The following FHOD3 variants were observed in gnomAD, a reference collection of about 807,000 sequenced individuals.
The protein encoded by FHOD3 is FH1/FH2 domain-containing protein 3.
FHOD3 carries 90 observed loss-of-function variants against 173.0 expected under a neutral mutation model. That is an observed-to-expected ratio of 0.52 (90% confidence interval 0.44 to 0.62). The LOEUF (loss-of-function observed/expected upper bound fraction) is 0.62, where lower values mean the gene tolerates loss of function less well. Ranked by LOEUF, FHOD3 falls within the 20% of genes least tolerant of loss-of-function variation. The pLI is 0.00. For missense variants in FHOD3, 1,945 were observed against 2,034.7 expected (o/e 0.96, Z 0.85); for synonymous variants, 828 against 823.0 (o/e 1.01, Z -0.10).
intron 1 of FHOD3, among the ~76,000 whole-genome samples, chr18:36,312,641 G>A (rs1327581517): frequency 6.6e-6 from 1 of 152,172 alleles, no homozygotes; most frequent in Non-Finnish European, 1.5e-5. Context: ...GCCTCTTGGA[G>A]TCTACCTGCT....
intron 28 of FHOD3, among the ~76,000 whole-genome samples, chr18:36,777,316 A>G (rs2043749699): frequency 6.8e-6 from 1 of 147,098 alleles, no homozygotes; most frequent in Non-Finnish European, 1.5e-5. Flanking sequence ...AATTCTCTGC[A>G]TCAGCTTCCC....
chr18:36,407,980 A>T (rs2049151857), intron 3 of FHOD3, among the ~76,000 whole-genome samples: 1 of 152,210 alleles, frequency 6.6e-6, no homozygotes, highest in South Asian at 2.1e-4. Context: ...TGTAAGGTAG[A>T]TAGATGATAT....
At chr18:36,577,194 C>CAT (rs2058686244) in intron 6 of FHOD3, among the ~76,000 whole-genome samples, 1 of 152,114 alleles carries the variant, frequency 6.6e-6, no homozygotes, top group Non-Finnish European at 1.5e-5. Flanking sequence ...TATGTATATG[C>CAT]ATATTCCTAT....
In FHOD3 at chr18:36,744,076, C is replaced by T; in HGVS notation, c.3924C>T (p.Val1308=). The part of the protein sequence containing the change: ...ELSYLEKVPE[V]KDTVHKQSLL... ...GCTACCTCGAGAAGGTTCCAGAAGT[C>T]AAAGACACAGTGCACAAGCAGTCGC... Residue 1308 remains valine, a synonymous_variant, in exon 23 of 29, where the codon GTC becomes GTT. Coordinates refer to ENST00000590592, the MANE Select transcript of FHOD3 (RefSeq NM_001281740.3). 1 of 1,614,204 alleles carries T rather than the reference C, an allele frequency of 6.2e-7. No individual in the cohort carries two copies. Among genetic ancestry groups the T allele is most frequent in the East Asian group, 2.2e-5 (1 of 44,884 alleles).
chr18:36,565,881 C>T lies in FHOD3; in HGVS notation c.512-10570C>T, dbSNP rs986660701. Among the ~76,000 whole-genome samples, 4 of 152,080 alleles carry T rather than the reference C, an allele frequency of 2.6e-5. No individual in the cohort carries two copies. In the South Asian group the frequency reaches 8.3e-4, roughly 31 times the overall value. On this transcript the variant is annotated intron_variant, in intron 5 of 28. Coordinates refer to ENST00000590592, the MANE Select transcript of FHOD3 (RefSeq NM_001281740.3). ...CAAGTGGACACTTGGTTTTTGAAAC[C>T]AAAGCCTTGTCTCATACATAAAAAG...
chr18:36,505,045 T>G (rs1331113174), intron 4 of FHOD3, among the ~76,000 whole-genome samples: 1 of 152,216 alleles, frequency 6.6e-6, no homozygotes, highest in Non-Finnish European at 1.5e-5. Context: ...CATGCAAGCA[T>G]GCCCACAAAG....
intron 8 of FHOD3, among the ~76,000 whole-genome samples, chr18:36,609,260 G>A (rs1297457504): frequency 2.0e-5 from 3 of 152,090 alleles, no homozygotes; most frequent in Non-Finnish European, 4.4e-5. Context: ...TGTCAGAGGT[G>A]GACAACTTAG....
At chr18:36,475,049 T>C (rs138001788) in intron 3 of FHOD3, among the ~76,000 whole-genome samples, 2 of 149,938 alleles carry the variant, frequency 1.3e-5, no homozygotes, top group African/African-American at 4.9e-5. Context: ...CAAAATTTAA[T>C]GCCTTCTACT....
rs145954630 is a variant in FHOD3, at chr18:36,769,289, G to A, written c.4649G>A (p.Gly1550Glu). 1 of 1,614,160 alleles carries A rather than the reference G, an allele frequency of 6.2e-7. No homozygotes were observed. The highest frequency in any genetic ancestry group is 8.5e-7 in the Non-Finnish European group (1 of 1,180,026). Residue 1550 changes from glycine to glutamate, a missense_variant, in exon 28 of 29, where the codon GGA becomes GAA. Physicochemically the swap from Gly to Glu is moderately conservative, Grantham distance 98. Around this residue, in one of 5 missense-constraint regions of FHOD3, gnomAD observed 354 missense variants for 359.9 expected, o/e 0.98. Transcript: ENST00000590592. Reference protein sequence around the residue: ...SRGSTSSWTMGTDDSPNVTDD... With the variant: ...SRGSTSSWTMETDDSPNVTDD... The stretch of plus-strand genomic sequence containing the variant: ...GGATCCACTAGTTCCTGGACTATGG[G>A]AACTGATGACTCGCCCAATGTCACA...
At chr18:36,489,141 C>T (rs1368306296) in intron 3 of FHOD3, among the ~76,000 whole-genome samples, 1 of 152,152 alleles carries the variant, frequency 6.6e-6, no homozygotes, top group East Asian at 1.9e-4. Flanking sequence ...CCTAAATGTT[C>T]TCCCCAGAGA....
chr18:36,364,539 C>T (rs1356722980), intron 2 of FHOD3, among the ~76,000 whole-genome samples: 1 of 152,182 alleles, frequency 6.6e-6, no homozygotes, highest in East Asian at 1.9e-4. Flanking sequence ...GTGGTCCCTG[C>T]CTTAGTTGAG....
At chr18:36,378,528 AG>A (rs1476847471) in intron 3 of FHOD3, among the ~76,000 whole-genome samples, 1 of 146,600 alleles carries the variant, frequency 6.8e-6, no homozygotes, top group Non-Finnish European at 1.5e-5. Flanking sequence ...GCTGCCTCTA[AG>A]GGGCCTTCCA....
At chr18:36,505,198 G>T (rs565830416) in intron 4 of FHOD3, among the ~76,000 whole-genome samples, 1 of 152,338 alleles carries the variant, frequency 6.6e-6, no homozygotes, top group East Asian at 1.9e-4. Flanking sequence ...TTGTTAAAAT[G>T]TCCAAAAGGA....
intron 3 of FHOD3, among the ~76,000 whole-genome samples, chr18:36,465,776 G>T (rs1340721759): frequency 6.6e-6 from 1 of 152,094 alleles, no homozygotes; most frequent in Non-Finnish European, 1.5e-5. Flanking sequence ...TGTGGGCGTG[G>T]TGGGTTCAAT....
rs114098799 is a variant in FHOD3, at chr18:36,420,865, A to G, written c.337+48121A>G. Among the ~76,000 whole-genome samples, 478 of 152,244 alleles carry G rather than the reference A, an allele frequency of 3.1e-3. 1 individual carries two copies. The highest frequency in any genetic ancestry group is 0.011 in the African/African-American group (450 of 41,534). Reference sequence around the variant, plus strand: ...AAGTAGGAAGGCTTATGATCTGAGGAGTGTAAATAGTAAATGGAGACATCT... The same window carrying G: ...AAGTAGGAAGGCTTATGATCTGAGGGGTGTAAATAGTAAATGGAGACATCT... On this transcript the variant is annotated intron_variant, in intron 3 of 28. Transcript: ENST00000590592.
At chr18:36,519,289 A>G (rs773220097) in intron 5 of FHOD3, among the ~76,000 whole-genome samples, 1 of 152,024 alleles carries the variant, frequency 6.6e-6, no homozygotes, top group Non-Finnish European at 1.5e-5. Context: ...TTTCTGCCTG[A>G]CTTTCTGCAG....
chr18:36,580,854 T>G (rs993008503), intron 6 of FHOD3, among the ~76,000 whole-genome samples: 13 of 152,250 alleles, frequency 8.5e-5, no homozygotes, highest in African/African-American at 3.1e-4. Context: ...TAGCATTTCC[T>G]TTTGACAAAG....
In FHOD3 at chr18:36,535,498, G is replaced by A. The variant is rs1024178442; in HGVS notation, c.511+22955G>A. Among the ~76,000 whole-genome samples the A allele has an allele frequency of 4.6e-5, 7 of 152,320 alleles. No homozygotes were observed. In the East Asian group the frequency reaches 1.3e-3, roughly 29 times the overall value. On this transcript the variant is annotated intron_variant, in intron 5 of 28. Coordinates refer to ENST00000590592, the MANE Select transcript of FHOD3 (RefSeq NM_001281740.3). ...GTAAAAAGCTGGGCCACTGAGGGAA[G>A]CATTCAGCAGGAATCCTTTAATCAG...
At chr18:36,773,366 G>A (rs2043479435) in intron 28 of FHOD3, among the ~76,000 whole-genome samples, 1 of 152,164 alleles carries the variant, frequency 6.6e-6, no homozygotes, top group Non-Finnish European at 1.5e-5. Context: ...TTTGAGGGGA[G>A]GCATAGGGTT....
Sources: allele counts gnomAD v4.1 joint callset (sites outside exome capture counted in the v4.1 genomes callset), GRCh38; gene constraint gnomAD v4.1.1; regional missense constraint gnomAD v4.1.1; transcripts MANE v1.5; gene names NCBI Gene and HGNC (gene_info 2026-07-23, HGNC 2026-07-21).